The following EEFSEC variants were observed in gnomAD, a reference collection of about 807,000 sequenced individuals.
EEFSEC encodes eukaryotic elongation factor, selenocysteine-tRNA specific, also known as selenocysteine-specific elongation factor.
Under a neutral mutation model 42.1 loss-of-function variants are expected in EEFSEC, and 43 were observed. That is an observed-to-expected ratio of 1.02 (90% CI 0.80 to 1.32). EEFSEC has a LOEUF of 1.32. Among genes scored for constraint, EEFSEC ranks in the 40% most tolerant of loss-of-function variants. The pLI, the probability that EEFSEC is intolerant of heterozygous loss-of-function variation, is 0.00. For missense variants in EEFSEC, 745 were observed against 803.6 expected, an observed-to-expected ratio of 0.93 and a Z score of 0.88; for synonymous variants, 354 against 339.1, an observed-to-expected ratio of 1.04 and a Z score of -0.48.
chr3:128,332,040 A>G (rs926384710), intron 4 of EEFSEC, among the ~76,000 whole-genome samples: 2 of 152,210 alleles, frequency 1.3e-5, no homozygotes, highest in African/African-American at 4.8e-5. Context: ...TCACATGTCC[A>G]TTAAGGGTAT....
At chr3:128,189,594 G>C (rs139398544) in intron 1 of EEFSEC, among the ~76,000 whole-genome samples, 1 of 142,310 alleles carries the variant, frequency 7.0e-6, no homozygotes, top group Admixed American at 7.2e-5. Flanking sequence ...GGGTCTGGCT[G>C]TCTTCCAGGC....
intron 6 of EEFSEC, among the ~76,000 whole-genome samples, chr3:128,406,502 G>T (rs2068115601): frequency 6.6e-6 from 1 of 152,188 alleles, no homozygotes. Context: ...AATTTGCTAA[G>T]AGAATAGATT....
chr3:128,410,896 G>C (rs551387485), downstream of EEFSEC, among the ~76,000 whole-genome samples: 212 of 152,358 alleles, frequency 1.4e-3, 4 homozygotes, highest in African/African-American at 4.8e-3. Flanking sequence ...GTCCCGGGAA[G>C]GAGGGGGCTC....
rs956961122 is a variant in EEFSEC, at chr3:128,387,447, G to A, written c.1601-20622G>A. ...GCATGAGTCCAGGCTCGCAAAAGTCGTGATGCCAAGAAAGATCTGGGAAGT... is the reference window on the plus strand; with the variant it reads ...GCATGAGTCCAGGCTCGCAAAAGTCATGATGCCAAGAAAGATCTGGGAAGT... On this transcript the variant is annotated intron_variant, in intron 6 of 6. Transcript: ENST00000254730. Among the ~76,000 whole-genome samples the A allele has an allele frequency of 1.4e-4, 21 of 152,302 alleles. No homozygotes were observed. The East Asian group carries it at 1.5e-3, about 11-fold the overall frequency.
At chr3:128,218,666 G>T (rs1395121347) in intron 1 of EEFSEC, among the ~76,000 whole-genome samples, 1 of 152,186 alleles carries the variant, frequency 6.6e-6, no homozygotes, top group Non-Finnish European at 1.5e-5. Flanking sequence ...TAAGTGTGCT[G>T]CGTGTGTCAG....
At chr3:128,176,996 T>TATG (rs1428550539) in intron 1 of EEFSEC, among the ~76,000 whole-genome samples, 3 of 150,426 alleles carry the variant, frequency 2.0e-5, no homozygotes, top group African/African-American at 7.3e-5. Flanking sequence ...TTATTATTAT[T>TATG]ATTATTATTA....
intron 4 of EEFSEC, among the ~76,000 whole-genome samples, chr3:128,337,344 A>G (rs2067201171): frequency 6.6e-6 from 1 of 152,212 alleles, no homozygotes; most frequent in African/African-American, 2.4e-5. Flanking sequence ...GTGCCCTGGT[A>G]AGGCATTCTT....
At chr3:128,184,709 T>G (rs2065447139) in intron 1 of EEFSEC, among the ~76,000 whole-genome samples, 3 of 152,228 alleles carry the variant, frequency 2.0e-5, no homozygotes, top group Admixed American at 1.3e-4. Context: ...CTGATTCTGT[T>G]TAAAATGAAG....
At chr3:128,158,767 G>T (rs1944423606) in intron 1 of EEFSEC, among the ~76,000 whole-genome samples, 2 of 152,188 alleles carry the variant, frequency 1.3e-5, no homozygotes, top group African/African-American at 4.8e-5. Context: ...TCACTGTGCT[G>T]CAGTGGTCTG....
Position 128,264,604 on chromosome 3 carries a change from T to G in EEFSEC, c.622-13T>G, listed in dbSNP as rs774710839. On this transcript the variant is annotated splice_polypyrimidine_tract_variant and intron_variant, in intron 3 of 6. Transcript: ENST00000254730. ...TCTCCCCACGGACTGTGGCACCAGT[T>G]TCTCTTTTCTAGCTCCTGACGTCCC... 1 of 1,612,500 alleles carries G rather than the reference T, an allele frequency of 6.2e-7. No individual in the cohort carries two copies. Among genetic ancestry groups the G allele is most frequent in the Non-Finnish European group, 8.5e-7 (1 of 1,179,022 alleles).
chr3:128,392,214 C>T (rs1017517110), intron 6 of EEFSEC, among the ~76,000 whole-genome samples: 1 of 152,184 alleles, frequency 6.6e-6, no homozygotes, highest in African/African-American at 2.4e-5. Flanking sequence ...AGAAGAGACC[C>T]GCACCAGCCC....
chr3:128,262,572 T>A (rs956933976), intron 3 of EEFSEC, among the ~76,000 whole-genome samples: 1 of 152,164 alleles, frequency 6.6e-6, no homozygotes, highest in Non-Finnish European at 1.5e-5. Context: ...GACCGTGACA[T>A]CCATTCCAGT....
intron 6 of EEFSEC, among the ~76,000 whole-genome samples, chr3:128,380,985 G>A (rs374946511): frequency 3.3e-4 from 51 of 152,350 alleles, no homozygotes; most frequent in African/African-American, 1.2e-3. Flanking sequence ...AGAAGTTCAT[G>A]CTCAGCCTGG....
intron 6 of EEFSEC, among the ~76,000 whole-genome samples, chr3:128,383,317 G>A (rs908081605): frequency 5.9e-5 from 9 of 152,214 alleles, no homozygotes; most frequent in Non-Finnish European, 1.0e-4. Flanking sequence ...TAAGTGCTCC[G>A]TGAATATGGG....
At position 128,391,128 on chromosome 3, in the gene EEFSEC, G is replaced by A. The variant is rs867635234; in HGVS notation, c.1601-16941G>A. On this transcript the variant is annotated intron_variant, in intron 6 of 6. Transcript: ENST00000254730. ...CCCTCACCTCTGCAGCCCCGCCCCC[G>A]GTGCATGCCTGCATAGAGTAGGTGC... Among the ~76,000 whole-genome samples the A allele has an allele frequency of 1.3e-4, 20 of 152,320 alleles. No individual in the cohort carries two copies. The East Asian group carries it at 3.1e-3, about 24-fold the overall frequency.
intron 4 of EEFSEC, among the ~76,000 whole-genome samples, chr3:128,301,730 GT>G (rs1443930330): frequency 2.0e-5 from 3 of 152,200 alleles, no homozygotes; most frequent in Non-Finnish European, 4.4e-5. Flanking sequence ...GAGGGGAGAA[GT>G]CCTGAGGGGT....
intron 6 of EEFSEC, among the ~76,000 whole-genome samples, chr3:128,383,482 G>T (rs2067800615): frequency 6.6e-6 from 1 of 152,360 alleles, no homozygotes; most frequent in African/African-American, 2.4e-5. Flanking sequence ...CCATGTTTCA[G>T]ATGAGGAGAC....
intron 1 of EEFSEC, among the ~76,000 whole-genome samples, chr3:128,215,920 C>T (rs187150488): frequency 9.9e-5 from 15 of 152,224 alleles, no homozygotes; most frequent in Non-Finnish European, 1.5e-4. Context: ...AGCTCTAGGT[C>T]CCACGCCTAT....
At chr3:128,186,578 AT>A (rs1280608922) in intron 1 of EEFSEC, among the ~76,000 whole-genome samples, 1 of 152,118 alleles carries the variant, frequency 6.6e-6, no homozygotes, top group Non-Finnish European at 1.5e-5. Flanking sequence ...TCTTTCATCT[AT>A]TTGGAGTTGA....
Sources: gnomAD v4.1 joint callset for allele counts (sites outside exome capture counted in the v4.1 genomes callset) on GRCh38, gnomAD v4.1.1 for gene constraint, MANE v1.5 for transcripts, NCBI Gene and HGNC (gene_info 2026-07-23, HGNC 2026-07-21) for gene names.